Variants in MYBL1 observed in about 807,000 individuals in gnomAD.
MYBL1 encodes the protein myb-related protein A.
In MYBL1, 17 loss-of-function variants were observed where a neutral mutation model predicts 96.3. The observed-to-expected ratio is 0.18, with a 90% CI of 0.12 to 0.26. The LOEUF is 0.26. MYBL1 is among the 10% of genes least tolerant of loss of function. The pLI is 1.00. For missense variants in MYBL1, 701 were observed against 882.9 expected (o/e 0.79, Z 2.61); for synonymous variants, 282 against 292.7 (o/e 0.96, Z 0.37).
chr8:66,568,749 G>T (rs942125252), intron 12 of MYBL1, among the ~76,000 whole-genome samples: 2 of 152,026 alleles, frequency 1.3e-5, no homozygotes, highest in Admixed American at 6.6e-5. Flanking sequence ...TCACCCAGCC[G>T]GGCGCAGTGG....
chr8:66,566,694 G>T lies in MYBL1; in HGVS notation c.1940C>A (p.Ser647Ter). 1.3e-6 allele frequency: 2 copies of T among 1,593,684 alleles called. No homozygotes were observed. The highest frequency in any genetic ancestry group is 1.1e-5 in the South Asian group (1 of 89,828). Residue 647 changes from serine (S) to a stop codon, truncating the protein, a stop_gained, in exon 14 of 16, where the codon TCA becomes TAA. Coordinates refer to ENST00000522677, the MANE Select transcript of MYBL1 (RefSeq NM_001080416.4). LOFTEE classifies it high-confidence loss of function. ...SGTQLLTEDISDMQSENRFTT... is the reference protein window; with the variant it reads ...SGTQLLTEDI ...TAATCCTTTACAAACCTGCATGTCT[G>T]AAATGTCTTCAGTCAACAGTTGAGT... is the stretch of plus-strand genomic sequence containing the variant.
Position 66,612,840 on chromosome 8 carries a change from C to A in MYBL1, c.-2G>T. 1 of 1,373,056 alleles carries A rather than the reference C, an allele frequency of 7.3e-7. No homozygotes were observed. Among genetic ancestry groups the A allele is most frequent in the Non-Finnish European group, 9.5e-7 (1 of 1,054,128 alleles). The allele number at this position is 1,373,056 out of a possible 1,614,324, so 85.1% of individuals were successfully genotyped here. A position where few individuals can be genotyped will look rare whatever the true frequency, so the allele number is the denominator to read the frequency against. On this transcript the variant is annotated 5_prime_UTR_variant, in exon 1 of 16. In the 5' UTR this introduces an upstream ATG that the reference lacks. Transcript: ENST00000522677. ...CCACCTGCGCGACCTCTTCGCCATC[C>A]TTCAAGTACCGCATAGGAGCAGGCT...
At chr8:66,581,549 C>A (rs1009750446) in intron 8 of MYBL1, among the ~76,000 whole-genome samples, 1 of 151,960 alleles carries the variant, frequency 6.6e-6, no homozygotes, top group Non-Finnish European at 1.5e-5. Context: ...TGGTACCATG[C>A]GCCTGTAGTC....
chr8:66,592,953 T>A (rs1809705877), intron 7 of MYBL1, among the ~76,000 whole-genome samples, 167 bp downstream of exon 7: 1 of 152,192 alleles, frequency 6.6e-6, no homozygotes, highest in Admixed American at 6.5e-5. Flanking sequence ...AGTTTATATT[T>A]CTTCAAACTC....
chr8:66,613,037 C>T lies in MYBL1; in HGVS notation c.-199G>A. ...GACCGCGACCCGACCCCGACCCCGG[C>T]CCGCAGCGCCGCTCTTAGCCCCGGC... On this transcript the variant is annotated 5_prime_UTR_variant, in exon 1 of 16. Coordinates refer to ENST00000522677, the MANE Select transcript of MYBL1 (RefSeq NM_001080416.4). 1 of 496,266 alleles carries T rather than the reference C, an allele frequency of 2.0e-6. No individual in the cohort carries two copies. 30.7% of individuals were successfully genotyped at this position (496,266 alleles called of 1,614,324 possible).
At chr8:66,592,291 C>A (rs1809678847) in intron 8 of MYBL1, 149 bp downstream of exon 8, 2 of 589,470 alleles carry the variant, frequency 3.4e-6, no homozygotes, top group East Asian at 6.5e-5. Flanking sequence ...AAACAGGCAA[C>A]CTCAAAGTTG....
intron 1 of MYBL1, among the ~76,000 whole-genome samples, chr8:66,608,229 T>C (rs1292118421): frequency 6.6e-6 from 1 of 152,196 alleles, no homozygotes; most frequent in Non-Finnish European, 1.5e-5. Flanking sequence ...GTGAGAAATT[T>C]CTATTTCTAC....
At chr8:66,578,973 C>T (rs1448169192) in intron 9 of MYBL1, among the ~76,000 whole-genome samples, 2 of 151,930 alleles carry the variant, frequency 1.3e-5, no homozygotes, top group East Asian at 1.9e-4. Flanking sequence ...AGTAAACTAT[C>T]GCAAGGACAG....
intron 3 of MYBL1, among the ~76,000 whole-genome samples, chr8:66,600,182 G>T (rs1338758441): frequency 6.6e-6 from 1 of 152,098 alleles, no homozygotes; most frequent in East Asian, 1.9e-4. Context: ...CCAGAACCTG[G>T]TAACTCCTAT....
In MYBL1 at chr8:66,575,985, TAAAC is replaced by T; in HGVS notation, c.1470+18_1470+21del. On this transcript the variant is annotated intron_variant, in intron 10 of 15. Coordinates refer to ENST00000522677, the MANE Select transcript of MYBL1 (RefSeq NM_001080416.4). ...TGTAACTCATTGACATTTAGAAACA[TAAAC>T]AAAATGAACACCACTACCTGTGAAG... 6.3e-7 allele frequency: 1 copy of T among 1,590,850 alleles called. No individual in the cohort carries two copies. Among genetic ancestry groups the T allele is most frequent in the South Asian group, 1.1e-5 (1 of 87,494 alleles).
chr8:66,566,660 C>A (rs755143301), intron 14 of MYBL1, 24 bp downstream of exon 14: 10 of 1,466,418 alleles, frequency 6.8e-6, no homozygotes, highest in Non-Finnish European at 9.4e-6. Flanking sequence ...TTTAAAATAA[C>A]AACAATAATA....
intron 8 of MYBL1, among the ~76,000 whole-genome samples, chr8:66,592,053 C>T (rs1181799910): frequency 6.6e-6 from 1 of 151,824 alleles, no homozygotes; most frequent in African/African-American, 2.4e-5. Context: ...ATCACTTGAG[C>T]CCAGGAGTTT....
Position 66,601,705 on chromosome 8 carries a change from T to C in MYBL1, c.191A>G (p.His64Arg), listed in dbSNP as rs1226711519. The C allele has an allele frequency of 1.3e-6, 2 of 1,501,468 alleles. No homozygotes were observed. Among genetic ancestry groups the C allele is most frequent in the Admixed American group, 4.0e-5 (2 of 49,848 alleles). 93.0% of individuals were successfully genotyped at this position (1,501,468 alleles called of 1,614,324 possible). The change falls in exon 3 of 16, where the codon CAT becomes CGT. Residue 64 changes from histidine to arginine, a missense_variant. By Grantham distance (29) the His-to-Arg change is conservative. This residue lies in a region of MYBL1 where 68 missense variants were observed against 93.8 expected (regional missense o/e 0.72). Transcript: ENST00000522677. ...ATTTAATATTTCACTTACTTGAAGA[T>C]GACTAGCAATTAGAGTCCAATCATC... ...GTDDWTLIAS[H>R]LQNRSDFQCQ... is the part of the protein sequence containing the mutation.
intron 8 of MYBL1, among the ~76,000 whole-genome samples, chr8:66,588,976 C>T (rs1357313644): frequency 1.3e-5 from 2 of 152,122 alleles, no homozygotes; most frequent in Non-Finnish European, 2.9e-5. Flanking sequence ...GCCGAGATCA[C>T]GCTACTGCAC....
At chr8:66,594,378 A>G (rs1388387828) in intron 6 of MYBL1, among the ~76,000 whole-genome samples, 2 of 152,202 alleles carry the variant, frequency 1.3e-5, no homozygotes, top group South Asian at 4.1e-4. Flanking sequence ...AAACCCATCT[A>G]TTCTTTTATC....
intron 1 of MYBL1, chr8:66,612,190 G>C (rs1471299362): frequency 6.6e-6 from 1 of 152,168 alleles, no homozygotes; most frequent in African/African-American, 2.4e-5. Flanking sequence ...CAAGCTACTA[G>C]TTGTTACTAC....
intron 10 of MYBL1, among the ~76,000 whole-genome samples, chr8:66,575,504 T>C (rs1206631181): frequency 1.3e-5 from 2 of 152,162 alleles, no homozygotes; most frequent in Non-Finnish European, 2.9e-5. Flanking sequence ...TATAATATCA[T>C]GTAGAACCGG....
In MYBL1 at chr8:66,574,373, T is replaced by C. The variant is rs533982571; in HGVS notation, c.1471-867A>G. Among the ~76,000 whole-genome samples, 7 of 152,304 alleles carry C rather than the reference T, an allele frequency of 4.6e-5. No individual in the cohort carries two copies. In the East Asian group the frequency reaches 9.6e-4, roughly 21 times the overall value. Reference sequence around the variant, plus strand: ...CATGCAAAACTCCAGAATAGAAAACTGCTAGTATGCCCAAGCCTACTTCAC... The same window carrying C: ...CATGCAAAACTCCAGAATAGAAAACCGCTAGTATGCCCAAGCCTACTTCAC... On this transcript the variant is annotated intron_variant, in intron 10 of 15. Transcript: ENST00000522677.
intron 8 of MYBL1, among the ~76,000 whole-genome samples, chr8:66,585,910 G>A (rs1055129250): frequency 6.6e-6 from 1 of 151,946 alleles, no homozygotes; most frequent in Non-Finnish European, 1.5e-5. Context: ...AGAATGAAGA[G>A]AGAAATGATG....
Sources: gnomAD v4.1 joint callset for allele counts (sites outside exome capture counted in the v4.1 genomes callset) on GRCh38, gnomAD v4.1.1 for gene constraint, gnomAD v4.1.1 regional missense constraint, MANE v1.5 for transcripts, NCBI Gene and HGNC (gene_info 2026-07-23, HGNC 2026-07-21) for gene names.